Variants in CSMD1 observed in about 807,000 individuals in gnomAD.
The protein encoded by CSMD1 is CUB and Sushi multiple domains 1.
In CSMD1, 213 loss-of-function variants were observed where a neutral mutation model predicts 417.5. That is an observed-to-expected ratio of 0.51 (90% CI 0.46 to 0.57). CSMD1 has a LOEUF of 0.57. Among genes scored for constraint, CSMD1 ranks in the 20% least tolerant of loss-of-function variants. The probability of loss-of-function intolerance (pLI) is 0.00; values close to 1 mark genes in which losing one functional copy is unlikely to be tolerated. For missense variants in CSMD1, 6,923 were observed against 4,529.7 expected (o/e 1.53, Z -15.17); for synonymous variants, 2,862 against 1,736.8 (o/e 1.65, Z -16.11).
chr8:4,234,781 T>A (rs1322738103), intron 3 of CSMD1, among the ~76,000 whole-genome samples: 1 of 152,124 alleles, frequency 6.6e-6, no homozygotes, highest in African/African-American at 2.4e-5. Context: ...TGGGCTAACT[T>A]GCCCCCAGAT....
intron 1 of CSMD1, among the ~76,000 whole-genome samples, chr8:4,688,592 C>A (rs1463586312): frequency 6.6e-6 from 1 of 152,150 alleles, no homozygotes; most frequent in Non-Finnish European, 1.5e-5. Context: ...AGTGAACACT[C>A]CCTATATTTT....
intron 2 of CSMD1, among the ~76,000 whole-genome samples, chr8:4,431,045 C>T (rs570887138): frequency 6.6e-6 from 1 of 152,128 alleles, no homozygotes; most frequent in African/African-American, 2.4e-5. Context: ...TTCAGAATAA[C>T]TCGTGGAGTG....
At chr8:4,745,913 C>G (rs1395876566) in intron 1 of CSMD1, among the ~76,000 whole-genome samples, 2 of 152,222 alleles carry the variant, frequency 1.3e-5, no homozygotes, top group Non-Finnish European at 2.9e-5. Context: ...GCAATCAAGT[C>G]AGCTAACTTT....
At chr8:4,358,001 C>A (rs1035565336) in intron 3 of CSMD1, among the ~76,000 whole-genome samples, 1 of 152,146 alleles carries the variant, frequency 6.6e-6, no homozygotes, top group Non-Finnish European at 1.5e-5. Context: ...CATCTCCCTC[C>A]CCTTCCCATG....
intron 2 of CSMD1, among the ~76,000 whole-genome samples, chr8:4,436,165 A>T (rs1395495514): frequency 6.6e-6 from 1 of 152,168 alleles, no homozygotes; most frequent in Non-Finnish European, 1.5e-5. Flanking sequence ...AGAGAGTTAG[A>T]TTTCAGTGTC....
intron 3 of CSMD1, among the ~76,000 whole-genome samples, chr8:4,340,205 G>C (rs1006490411): frequency 6.6e-6 from 1 of 151,336 alleles, no homozygotes; most frequent in Non-Finnish European, 1.5e-5. Flanking sequence ...TGACACCTTC[G>C]CCAAGAAGAG....
At chr8:3,827,263 T>C (rs774352414) in intron 5 of CSMD1, among the ~76,000 whole-genome samples, 3 of 152,200 alleles carry the variant, frequency 2.0e-5, no homozygotes, top group Non-Finnish European at 2.9e-5. Context: ...AAAGCACACA[T>C]ATCCTTGCAA....
chr8:3,423,227 T>G (rs1349732384), intron 12 of CSMD1, among the ~76,000 whole-genome samples: 1 of 152,200 alleles, frequency 6.6e-6, no homozygotes. Flanking sequence ...TAATTTAATT[T>G]GACGAATTTG....
intron 3 of CSMD1, among the ~76,000 whole-genome samples, chr8:4,163,167 C>T (rs1797265921): frequency 6.6e-6 from 1 of 152,206 alleles, no homozygotes; most frequent in Admixed American, 6.5e-5. Flanking sequence ...CAGATTTTGG[C>T]AACCAAGAAT....
chr8:3,754,570 A>T (rs2720863), intron 5 of CSMD1, among the ~76,000 whole-genome samples: 63,546 of 151,708 alleles, frequency 0.42, 13,335 homozygotes, highest in South Asian at 0.49. Flanking sequence ...TTCTCCTCCC[A>T]CAGCCTCCTG....
At chr8:4,041,861 G>C (rs990688637) in intron 3 of CSMD1, among the ~76,000 whole-genome samples, 35 of 152,122 alleles carry the variant, frequency 2.3e-4, no homozygotes, top group African/African-American at 8.2e-4. Flanking sequence ...AAAACCATCT[G>C]AGATTCAAAA....
chr8:4,486,574 C>T (rs1231112454), intron 2 of CSMD1, among the ~76,000 whole-genome samples: 1 of 151,818 alleles, frequency 6.6e-6, no homozygotes, highest in African/African-American at 2.4e-5. Context: ...CTTATCAATG[C>T]ATATATAAGA....
At chr8:2,949,276 A>G in intron 68 of CSMD1, 23 bp downstream of exon 68, 1 of 1,370,076 alleles carries the variant, frequency 7.3e-7, no homozygotes, top group Non-Finnish European at 1.0e-6. Flanking sequence ...TTTGCTTTAA[A>G]ATATATCCTA....
intron 5 of CSMD1, among the ~76,000 whole-genome samples, chr8:3,830,308 C>T (rs1012915437): frequency 1.2e-4 from 18 of 152,182 alleles, no homozygotes; most frequent in African/African-American, 2.4e-5. Flanking sequence ...GCAAACTAAG[C>T]GTCAGCCTTC....
intron 1 of CSMD1, among the ~76,000 whole-genome samples, chr8:4,693,267 G>C (rs914057947): frequency 6.6e-6 from 1 of 152,196 alleles, no homozygotes; most frequent in African/African-American, 2.4e-5. Flanking sequence ...ACAAGTTCAA[G>C]GTTCATGGAG....
chr8:3,911,112 C>G (rs757053404), intron 5 of CSMD1, among the ~76,000 whole-genome samples: 4 of 152,150 alleles, frequency 2.6e-5, no homozygotes, highest in Non-Finnish European at 5.9e-5. Context: ...CTGTGGTTTA[C>G]TGGACAGGTT....
At chr8:3,659,331 A>AT (rs1798293039) in intron 7 of CSMD1, among the ~76,000 whole-genome samples, 1 of 152,118 alleles carries the variant, frequency 6.6e-6, no homozygotes, top group Admixed American at 6.6e-5. Context: ...AAAGAAACAA[A>AT]TTTTCATTTT....
chr8:4,958,360 C>A (rs1302132149), intron 1 of CSMD1, among the ~76,000 whole-genome samples: 1 of 152,066 alleles, frequency 6.6e-6, no homozygotes, highest in African/African-American at 2.4e-5. Flanking sequence ...CATGGTTGAT[C>A]TTTACCCACC....
intron 3 of CSMD1, among the ~76,000 whole-genome samples, chr8:4,382,990 T>A (rs980874952): frequency 6.6e-6 from 1 of 152,192 alleles, no homozygotes; most frequent in East Asian, 1.9e-4. Flanking sequence ...GGTCGCACCA[T>A]CGTCTGTATA....
Sources: gnomAD v4.1 joint callset for allele counts (sites outside exome capture counted in the v4.1 genomes callset) on GRCh38, gnomAD v4.1.1 for gene constraint, MANE v1.5 for transcripts, NCBI Gene and HGNC (gene_info 2026-07-23, HGNC 2026-07-21) for gene names.